PTPRF: variants seen among roughly 807,000 people sequenced by gnomAD.
The protein encoded by PTPRF is protein tyrosine phosphatase receptor type F.
In PTPRF, 59 loss-of-function variants were observed where a neutral mutation model predicts 201.8. That is an observed-to-expected ratio of 0.29 (90% CI 0.24 to 0.36). The LOEUF (loss-of-function observed/expected upper bound fraction) is 0.36. PTPRF is among the 10% of genes least tolerant of loss of function. The pLI, the probability that PTPRF is intolerant of heterozygous loss-of-function variation, is 1.00. For missense variants in PTPRF, 2,132 were observed against 2,690.5 expected (o/e 0.79, Z 4.59); for synonymous variants, 1,088 against 1,089.7 (o/e 1.00, Z 0.03).
chr1:43,575,803 G>A (rs1646886679), intron 6 of PTPRF: 2 of 1,021,164 alleles, frequency 2.0e-6, no homozygotes, highest in Admixed American at 2.3e-5. Flanking sequence ...ATGTATTTAA[G>A]GCCCTTTCTT....
At chr1:43,572,380 T>C (rs900356109) in intron 6 of PTPRF, among the ~76,000 whole-genome samples, 52 of 152,188 alleles carry the variant, frequency 3.4e-4, no homozygotes, top group African/African-American at 1.2e-3. Context: ...AAGACTTCCT[T>C]ATTTGTCTTC....
In PTPRF at chr1:43,548,233, G is replaced by A. The variant is rs543139342; in HGVS notation, c.91+3067G>A. Among the ~76,000 whole-genome samples, 4 of 152,238 alleles carry A rather than the reference G, an allele frequency of 2.6e-5. No individual in the cohort carries two copies. In the East Asian group the frequency reaches 7.7e-4, roughly 29 times the overall value. ...TGAGAACCCGACAGCATGGGACAGA[G>A]GTGGGGTCCGAAGACCAGGTGGGAG... On this transcript the variant is annotated intron_variant, in intron 3 of 33. Coordinates refer to ENST00000359947, the MANE Select transcript of PTPRF (RefSeq NM_002840.5).
At chr1:43,612,746 T>G (rs1190389834) in intron 22 of PTPRF, 1 of 1,363,674 alleles carries the variant, frequency 7.3e-7, no homozygotes, top group Non-Finnish European at 9.8e-7. Flanking sequence ...TTTCGTTTGT[T>G]TGTTTGTTTT....
At chr1:43,522,188 G>T (rs117778879), upstream of PTPRF, among the ~76,000 whole-genome samples, 132 of 152,244 alleles carry the variant, frequency 8.7e-4, 1 homozygote, top group East Asian at 0.021. Context: ...TCATCTCAGG[G>T]TCTTCTTCTG....
intron 22 of PTPRF, among the ~76,000 whole-genome samples, chr1:43,610,959 C>T (rs11210888): frequency 0.13 from 19,796 of 152,204 alleles, 1,794 homozygotes; most frequent in African/African-American, 0.26. Context: ...GTAAAGGCAC[C>T]ATTAAATAGA....
In PTPRF at chr1:43,621,145, G is replaced by A. The variant is rs1451482817; in HGVS notation, c.5568G>A (p.Leu1856=). The change falls in exon 33 of 34, where the codon CTG becomes CTA. Residue 1856 remains leucine, a synonymous_variant. Coordinates refer to ENST00000359947, the MANE Select transcript of PTPRF (RefSeq NM_002840.5). Reference sequence around the variant, plus strand: ...TGTTCATCACTCTGAGCATCGTCCTGGAGCGCATGCGCTACGAGGGCGTGG... The same window carrying A: ...TGTTCATCACTCTGAGCATCGTCCTAGAGCGCATGCGCTACGAGGGCGTGG... ...TGVFITLSIV[L]ERMRYEGVVD... 6.2e-7 allele frequency: 1 copy of A among 1,614,122 alleles called. No homozygotes were observed. Among genetic ancestry groups the A allele is most frequent in the South Asian group, 1.1e-5 (1 of 91,088 alleles).
At position 43,545,016 on chromosome 1, in the gene PTPRF, T is replaced by C. The variant is rs149085019; in HGVS notation, c.-45-15T>C. 3,041 of 1,452,156 alleles carry C rather than the reference T, an allele frequency of 2.1e-3. 55 individuals are homozygous for C. In the African/African-American group the frequency reaches 0.039, roughly 18 times the overall value. The allele number at this position is 1,452,156 out of a possible 1,614,324, so 90.0% of individuals were successfully genotyped here. A position where few individuals can be genotyped will look rare whatever the true frequency, so the allele number is the denominator to read the frequency against. On this transcript the variant is annotated splice_polypyrimidine_tract_variant and intron_variant, in intron 2 of 33. Transcript: ENST00000359947. ...AAATACCAGCTAACTGGCTCTGCCC[T>C]TCTCTCCATTACAGGTTGATTGTCC...
chr1:43,533,555 T>C (rs1211525583), intron 1 of PTPRF, among the ~76,000 whole-genome samples: 2 of 152,126 alleles, frequency 1.3e-5, no homozygotes, highest in Non-Finnish European at 2.9e-5. Context: ...CTCCTCCACT[T>C]TCCAGCTTCA....
Position 43,591,376 on chromosome 1 carries a change from A to G in PTPRF, c.1354A>G (p.Thr452Ala). ...GLVRGYRVYY[T>A]PDSRRPPNAW... ...GGTGCGGGGATACCGCGTCTACTATACTCCGGACTCCCGCCGCCCCCCGAA... is the reference window on the plus strand; with the variant it reads ...GGTGCGGGGATACCGCGTCTACTATGCTCCGGACTCCCGCCGCCCCCCGAA... The change falls in exon 9 of 34, where the codon ACT becomes GCT. Residue 452 changes from threonine (T) to alanine (A), a missense_variant. Physicochemically the swap from Thr to Ala is moderately conservative, Grantham distance 58. Coordinates refer to ENST00000359947, the MANE Select transcript of PTPRF (RefSeq NM_002840.5). The G allele has an allele frequency of 6.4e-7, 1 of 1,556,120 alleles. No homozygotes were observed. Among genetic ancestry groups the G allele is most frequent in the Non-Finnish European group, 8.7e-7 (1 of 1,151,560 alleles).
chr1:43,586,392 C>T (rs907620181), intron 7 of PTPRF, among the ~76,000 whole-genome samples: 1 of 152,260 alleles, frequency 6.6e-6, no homozygotes, highest in African/African-American at 2.4e-5. Context: ...AGGGCATGCA[C>T]CGCTGGGCTG....
rs182017903 is a variant in PTPRF, at chr1:43,584,985, A to T, written c.680-3746A>T. On this transcript the variant is annotated intron_variant, in intron 7 of 33. Coordinates refer to ENST00000359947, the MANE Select transcript of PTPRF (RefSeq NM_002840.5). Reference sequence around the variant, plus strand: ...GCGCAAATAATTAGACTTAAAAGTTACAGCTGAAATATAATCCAGAAATGG... The same window carrying T: ...GCGCAAATAATTAGACTTAAAAGTTTCAGCTGAAATATAATCCAGAAATGG... Among the ~76,000 whole-genome samples the T allele has an allele frequency of 5.5e-4, 84 of 152,384 alleles. 1 individual carries two copies. Among genetic ancestry groups the T allele is most frequent in the African/African-American group, 2.0e-3 (84 of 41,592 alleles).
At chr1:43,587,104 C>A (rs565571243) in intron 7 of PTPRF, among the ~76,000 whole-genome samples, 1 of 152,158 alleles carries the variant, frequency 6.6e-6, no homozygotes, top group South Asian at 2.1e-4. Context: ...GTCTGGAGCA[C>A]CAGAGTAAGG....
In PTPRF at chr1:43,588,036, G is replaced by A. The variant is rs1649616245; in HGVS notation, c.680-695G>A. Among the ~76,000 whole-genome samples, 2 of 152,272 alleles carry A rather than the reference G, an allele frequency of 1.3e-5. No individual in the cohort carries two copies. Among genetic ancestry groups the A allele is most frequent in the Middle Eastern group, 3.4e-3 (1 of 294 alleles). ...GCGCCCTCATCATGTTACTGCCATC[G>A]TCATGCCCATCCTGCCCGCAGACCA... On this transcript the variant is annotated intron_variant, in intron 7 of 33. Transcript: ENST00000359947. This position sits in a 1 kb window ranked among gnomAD's most constrained non-coding sequence, Gnocchi z 5.3.
At chr1:43,547,819 T>G (rs901542037) in intron 3 of PTPRF, among the ~76,000 whole-genome samples, 21 of 152,314 alleles carry the variant, frequency 1.4e-4, no homozygotes, top group African/African-American at 5.1e-4. Flanking sequence ...GGGCACACAT[T>G]GGGGTAGGAT....
chr1:43,567,232 G>C (rs1290166295), intron 5 of PTPRF, among the ~76,000 whole-genome samples: 1 of 152,078 alleles, frequency 6.6e-6, no homozygotes, highest in African/African-American at 2.4e-5. Flanking sequence ...GGGGAGGTGA[G>C]CCCTGCACCT....
chr1:43,620,697 G>T, intron 31 of PTPRF, 118 bp downstream of exon 31: 1 of 1,533,302 alleles, frequency 6.5e-7, no homozygotes, highest in Non-Finnish European at 8.9e-7. Context: ...TGGGTATTAG[G>T]GTGTGAGCAC....
chr1:43,541,042 G>C (rs917437454), intron 2 of PTPRF, among the ~76,000 whole-genome samples: 3 of 152,242 alleles, frequency 2.0e-5, no homozygotes, highest in African/African-American at 7.2e-5. Flanking sequence ...GAACGGCTCA[G>C]AGCTCTCCCT....
At chr1:43,610,374 T>G (rs904912415) in intron 22 of PTPRF, among the ~76,000 whole-genome samples, 2 of 152,228 alleles carry the variant, frequency 1.3e-5, no homozygotes, top group African/African-American at 4.8e-5. Context: ...CAAAACTTAG[T>G]GGCTTAAAAC....
chr1:43,622,028 C>T lies in PTPRF; in HGVS notation c.*25C>T. 4 of 1,611,606 alleles carry T rather than the reference C, an allele frequency of 2.5e-6. No individual in the cohort carries two copies. Among genetic ancestry groups the T allele is most frequent in the South Asian group, 2.2e-5 (2 of 91,026 alleles). ...ACTACCGCTCCCCTCTCCTCCGCCACCCCCGCCGTGGGGCTCCGGAGGGGA... is the reference window on the plus strand; with the variant it reads ...ACTACCGCTCCCCTCTCCTCCGCCATCCCCGCCGTGGGGCTCCGGAGGGGA... On this transcript the variant is annotated 3_prime_UTR_variant, in exon 34 of 34. Transcript: ENST00000359947.
Sources: allele counts gnomAD v4.1 joint callset (sites outside exome capture counted in the v4.1 genomes callset), GRCh38; gene constraint gnomAD v4.1.1; non-coding constraint Gnocchi (gnomAD v3.1); transcripts MANE v1.5; gene names NCBI Gene and HGNC (gene_info 2026-07-23, HGNC 2026-07-21).